Variants in TTC16 observed in about 807,000 individuals in gnomAD.
TTC16 encodes tetratricopeptide repeat protein 16.
A neutral mutation model predicts 80.4 loss-of-function variants in TTC16; 66 were observed. The observed-to-expected ratio is 0.82, with a 90% CI of 0.67 to 1.01. The LOEUF is 1.01. TTC16 is among the 50% of genes least tolerant of loss of function. The pLI is 0.00. For synonymous variants in TTC16, 438 were observed against 451.3 expected, an observed-to-expected ratio of 0.97 and a Z score of 0.37; for missense variants, 1,070 against 1,103.2, an observed-to-expected ratio of 0.97 and a Z score of 0.43.
rs1235299688 is a variant in TTC16 at position 127,729,566 on chromosome 9, T to C, written c.1765-15T>C. On this transcript the variant is annotated splice_polypyrimidine_tract_variant and intron_variant, in intron 12 of 13. Coordinates refer to ENST00000373289, the MANE Select transcript of TTC16 (RefSeq NM_144965.3). ...CTCCTACCATCTGAACTACAAAGCC[T>C]GTTTCTTGCCATAGGAGAAAAAATC... 6.2e-7 allele frequency: 1 copy of C among 1,612,782 alleles called. No individual in the cohort carries two copies. Among genetic ancestry groups the C allele is most frequent in the Non-Finnish European group, 8.5e-7 (1 of 1,179,146 alleles).
intron 6 of TTC16, among the ~76,000 whole-genome samples, chr9:127,721,434 G>C (rs1038081772): frequency 7.3e-5 from 11 of 151,372 alleles, no homozygotes; most frequent in Non-Finnish European, 1.6e-4. Context: ...GATCCAGAAG[G>C]GTGCCTGGTG....
intron 12 of TTC16, chr9:127,727,732 G>C (rs982506754): frequency 1.6e-5 from 9 of 549,856 alleles, no homozygotes; most frequent in Non-Finnish European, 2.4e-5. Flanking sequence ...GAATTCTACT[G>C]TAGGCACTAG....
chr9:127,720,149 G>C lies in TTC16; in HGVS notation c.498G>C (p.Gln166His). 6.2e-7 allele frequency: 1 copy of C among 1,613,864 alleles called. No homozygotes were observed. Among genetic ancestry groups the C allele is most frequent in the Non-Finnish European group, 8.5e-7 (1 of 1,179,996 alleles). Reference sequence around the variant, plus strand: ...TCTTCTCACATGCTGCTGAGCTCCAGCCTGAGAAACCATGCTTCCGTTACC... The same window carrying C: ...TCTTCTCACATGCTGCTGAGCTCCACCCTGAGAAACCATGCTTCCGTTACC... The part of the protein sequence containing the change: ...LNVFSHAAEL[Q>H]PEKPCFRYRC... Residue 166 changes from glutamine (Q) to histidine (H), a missense_variant, in exon 5 of 14, where the codon CAG becomes CAC. By Grantham distance (24) the Gln-to-His change is conservative. Transcript: ENST00000373289.
chr9:127,727,195 G>A (rs537216948), intron 11 of TTC16, 75 bp from the exon 12 acceptor site: 1 of 1,521,838 alleles, frequency 6.6e-7, no homozygotes, highest in African/African-American at 1.4e-5. Context: ...TGCATGACGG[G>A]GCCGTTGTCT....
rs781249817 is a variant in TTC16, at chr9:127,726,323, GA to G, written c.1345del (p.Ser449AlafsTer31). On this transcript the variant is annotated frameshift_variant, in exon 10 of 14. Coordinates refer to ENST00000373289, the MANE Select transcript of TTC16 (RefSeq NM_144965.3). LOFTEE classifies it high-confidence loss of function. Reference sequence around the variant, plus strand: ...CCCAGTACTACCTGTACCGGGCCAAGAGCCGGCAGCTGCTGCAGAACATTTT... The same window carrying G: ...CCCAGTACTACCTGTACCGGGCCAAGGCCGGCAGCTGCTGCAGAACATTTT... The part of the protein sequence containing the change: ...KAQYYLYRAK[S>X]RQLLQNIFGA... 2.5e-6 allele frequency: 4 copies of G among 1,612,266 alleles called. No individual in the cohort carries two copies. The highest frequency in any genetic ancestry group is 3.4e-6 in the Non-Finnish European group (4 of 1,179,476).
chr9:127,721,552 C>T (rs574771), intron 6 of TTC16, among the ~76,000 whole-genome samples: 102,008 of 151,712 alleles, frequency 0.67, 36,113 homozygotes, highest in African/African-American at 0.9. Context: ...TGGGTGCGGC[C>T]GAAATGCCAG....
chr9:127,725,119 T>A (rs1002207872), intron 9 of TTC16, among the ~76,000 whole-genome samples: 1 of 152,078 alleles, frequency 6.6e-6, no homozygotes, highest in Admixed American at 6.5e-5. Flanking sequence ...TAAAAAAATT[T>A]AAAAATTAGC....
chr9:127,716,993 A>G lies in TTC16; in HGVS notation c.168A>G (p.Thr56=), dbSNP rs767817919. The G allele has an allele frequency of 6.2e-7, 1 of 1,613,750 alleles. No individual in the cohort carries two copies. The highest frequency in any genetic ancestry group is 1.3e-5 in the African/African-American group (1 of 74,922). ...TAAAACCAAAGGTCACAGGGTTAAC[A>G]GTGCCCCTCAAAGTCAGGGAATAGT... The part of the protein sequence containing the change: ...CDVKPKVTGL[T]VPLKVREYYS... Residue 56 remains threonine (T), a synonymous_variant, in exon 2 of 14, where the codon ACA becomes ACG. Transcript: ENST00000373289.
Position 127,722,691 on chromosome 9 carries a change from C to A in TTC16, c.658-428C>A, listed in dbSNP as rs1340112179. ...CAGAAAGGGGCCAGGCATGGAGACTCAAACCTGTAATCCCAGCACTTCGGG... is the reference window on the plus strand; with the variant it reads ...CAGAAAGGGGCCAGGCATGGAGACTAAAACCTGTAATCCCAGCACTTCGGG... On this transcript the variant is annotated intron_variant, in intron 6 of 13. Transcript: ENST00000373289. This position sits in a 1 kb window ranked among gnomAD's most constrained non-coding sequence, Gnocchi z 4.2. 2.6e-5 allele frequency among the ~76,000 whole-genome samples: 4 copies of A among 152,152 alleles called. No individual in the cohort carries two copies. The highest frequency in any genetic ancestry group is 9.7e-5 in the African/African-American group (4 of 41,424).
chr9:127,731,080 G>A lies in TTC16; in HGVS notation c.2297G>A (p.Arg766Gln), dbSNP rs141947602. The change falls in exon 14 of 14, where the codon CGG (arginine) becomes CAG (glutamine). Residue 766 changes from arginine (R) to glutamine (Q), a missense_variant. By Grantham distance (43) the Arg-to-Gln change is conservative. Coordinates refer to ENST00000373289, the MANE Select transcript of TTC16 (RefSeq NM_144965.3). ...RQEPSKTKTT[R>Q]SPRQRPRKVK... ...GAGCCCAGCAAGACCAAGACCACCC[G>A]GAGCCCAAGGCAGAGGCCCAGAAAG... is the stretch of plus-strand genomic sequence containing the variant. The A allele has an allele frequency of 6.6e-5, 106 of 1,611,824 alleles. No individual in the cohort carries two copies. Among genetic ancestry groups the A allele is most frequent in the Middle Eastern group, 3.3e-4 (2 of 6,060 alleles).
intron 6 of TTC16, 29 bp from the exon 7 acceptor site, chr9:127,723,090 C>A: frequency 6.2e-7 from 1 of 1,603,364 alleles, no homozygotes; most frequent in Non-Finnish European, 8.5e-7. Context: ...TTGGTCTGTG[C>A]CCCTGATGCC....
At chr9:127,720,526 C>G in intron 6 of TTC16, 131 bp downstream of exon 6, 1 of 1,227,384 alleles carries the variant, frequency 8.1e-7, no homozygotes, top group East Asian at 2.3e-5. Flanking sequence ...GGGTGCTGTC[C>G]TCCCTGGGAA....
intron 6 of TTC16, 89 bp from the exon 7 acceptor site, chr9:127,723,030 T>C (rs1843625346): frequency 1.3e-5 from 17 of 1,340,732 alleles, no homozygotes; most frequent in Non-Finnish European, 1.7e-5. Flanking sequence ...GGAGGAGGCA[T>C]GGTGTGATGC....
rs757760368 is a variant in TTC16, at chr9:127,716,140, G to A, written c.-6G>A. 73 of 1,613,884 alleles carry A rather than the reference G, an allele frequency of 4.5e-5. No homozygotes were observed. In the East Asian group the frequency reaches 1.6e-3, roughly 36 times the overall value. Reference sequence around the variant, plus strand: ...GAGGCCTCGGGGTCCTCCTGGAAGGGGCCTCATGACAGATTCGGACGAGGT... The same window carrying A: ...GAGGCCTCGGGGTCCTCCTGGAAGGAGCCTCATGACAGATTCGGACGAGGT... On this transcript the variant is annotated 5_prime_UTR_variant, in exon 1 of 14. Transcript: ENST00000373289.
Position 127,729,568 on chromosome 9 carries a change from T to C in TTC16, c.1765-13T>C. 6.2e-7 allele frequency: 1 copy of C among 1,613,130 alleles called. No individual in the cohort carries two copies. Among genetic ancestry groups the C allele is most frequent in the Non-Finnish European group, 8.5e-7 (1 of 1,179,460 alleles). ...CCTACCATCTGAACTACAAAGCCTG[T>C]TTCTTGCCATAGGAGAAAAAATCAG... is the stretch of plus-strand genomic sequence containing the variant. On this transcript the variant is annotated splice_polypyrimidine_tract_variant and intron_variant, in intron 12 of 13. Transcript: ENST00000373289.
At chr9:127,725,563 C>CAAA (rs34292919) in intron 9 of TTC16, among the ~76,000 whole-genome samples, 13 of 57,362 alleles carry the variant, frequency 2.3e-4, no homozygotes, top group Non-Finnish European at 3.0e-4. Flanking sequence ...GACTCCGTCT[C>CAAA]AAAAAAAAAA....
chr9:127,717,279 C>G, intron 2 of TTC16, 55 bp from the exon 3 acceptor site: 1 of 1,550,254 alleles, frequency 6.5e-7, no homozygotes, highest in Non-Finnish European at 8.8e-7. Flanking sequence ...GCCCTATGCC[C>G]TGGGCTGGTC....
chr9:127,724,627 G>A (rs1339730900), intron 8 of TTC16, 129 bp from the exon 9 acceptor site: 14 of 1,320,274 alleles, frequency 1.1e-5, no homozygotes, highest in Non-Finnish European at 1.4e-5. Flanking sequence ...AACTAGAGAG[G>A]ACGGAGACTG....
chr9:127,729,071 G>T (rs559319888), intron 12 of TTC16: 1 of 153,774 alleles, frequency 6.5e-6, no homozygotes. Flanking sequence ...AGCAGACCTG[G>T]ATTCAAACCC....
Sources: gnomAD v4.1 joint callset for allele counts (sites outside exome capture counted in the v4.1 genomes callset) on GRCh38, gnomAD v4.1.1 for gene constraint, Gnocchi (gnomAD v3.1) non-coding constraint, MANE v1.5 for transcripts, NCBI Gene and HGNC (gene_info 2026-07-23, HGNC 2026-07-21) for gene names.